The following A1CF variants were observed in gnomAD, a reference collection of about 807,000 sequenced individuals.
A1CF encodes APOBEC1 complementation factor.
A neutral mutation model predicts 68.9 loss-of-function variants in A1CF; 48 were observed. The ratio of observed to expected loss-of-function variants is 0.70; its 90% CI spans 0.55 to 0.89. The LOEUF is 0.89. A1CF is among the 40% of genes least tolerant of loss of function. A1CF has a pLI of 0.00. For missense variants in A1CF, 653 were observed against 718.9 expected (o/e 0.91, Z 1.05); for synonymous variants, 272 against 260.4 (o/e 1.04, Z -0.43).
At chr10:50,848,946 C>T (rs1840117411) in intron 3 of A1CF, among the ~76,000 whole-genome samples, 1 of 152,176 alleles carries the variant, frequency 6.6e-6, no homozygotes, top group Non-Finnish European at 1.5e-5. Flanking sequence ...TGGAGGACAT[C>T]ACTCTTGACT....
At chr10:50,880,460 G>A (rs1193022249) in intron 1 of A1CF, among the ~76,000 whole-genome samples, 1 of 152,192 alleles carries the variant, frequency 6.6e-6, no homozygotes, top group Admixed American at 6.5e-5. Flanking sequence ...TCATCGTAGG[G>A]TGCCAATTAT....
At chr10:50,845,053 T>G (rs555688777) in intron 3 of A1CF, among the ~76,000 whole-genome samples, 50 of 152,336 alleles carry the variant, frequency 3.3e-4, no homozygotes, top group Non-Finnish European at 3.8e-4. Flanking sequence ...TAATAATTCA[T>G]ACCACGTTTT....
chr10:50,865,495 A>G (rs867681862), intron 1 of A1CF, among the ~76,000 whole-genome samples: 2 of 152,178 alleles, frequency 1.3e-5, no homozygotes, highest in Admixed American at 6.5e-5. Context: ...ATAATTATCA[A>G]TCTCTAACTC....
At position 50,806,743 on chromosome 10, in the gene A1CF, A is replaced by T; in HGVS notation, c.1747T>A (p.Tyr583Asn). The change falls in exon 13 of 13, where the codon TAT becomes AAT. Residue 583 changes from tyrosine to asparagine, a missense_variant. Physicochemically the swap from Tyr to Asn is moderately radical, Grantham distance 143. Transcript: ENST00000373997. The stretch of plus-strand genomic sequence containing the variant: ...AAAAAGCATCTTCAGAAGGTGCCAT[A>T]TCCATCCCCTCGGGCAGTCACTGCA... The part of the protein sequence containing the change: ...TFAVTARGDG[Y>N]GTF 6.2e-7 allele frequency: 1 copy of T among 1,604,416 alleles called. No individual in the cohort carries two copies. Among genetic ancestry groups the T allele is most frequent in the South Asian group, 1.1e-5 (1 of 88,698 alleles).
At chr10:50,825,616 G>C (rs1268335776) in intron 7 of A1CF, among the ~76,000 whole-genome samples, 1 of 152,154 alleles carries the variant, frequency 6.6e-6, no homozygotes, top group Non-Finnish European at 1.5e-5. Context: ...TGGTAATTTG[G>C]ATATTGTTTC....
chr10:50,879,894 C>G (rs769245472), intron 1 of A1CF, among the ~76,000 whole-genome samples: 10 of 152,138 alleles, frequency 6.6e-5, no homozygotes, highest in Admixed American at 1.3e-4. Flanking sequence ...GAGTCTCTGG[C>G]TAGGTCAGTC....
chr10:50,861,510 A>G (rs2132534473), intron 2 of A1CF, among the ~76,000 whole-genome samples: 1 of 148,722 alleles, frequency 6.7e-6, no homozygotes, highest in Non-Finnish European at 1.5e-5. Context: ...TAGTAATAAG[A>G]TATACTATTA....
chr10:50,808,737 T>C (rs1296254276), intron 12 of A1CF, among the ~76,000 whole-genome samples: 1 of 152,124 alleles, frequency 6.6e-6, no homozygotes, highest in Non-Finnish European at 1.5e-5. Flanking sequence ...TCATTAATGT[T>C]AGCCCCACTG....
intron 1 of A1CF, among the ~76,000 whole-genome samples, chr10:50,885,330 A>T (rs892233920): frequency 7.9e-5 from 12 of 152,152 alleles, no homozygotes; most frequent in Admixed American, 7.2e-4. Flanking sequence ...TCCACTCTTG[A>T]ACCCTCCGTG....
chr10:50,867,542 A>T (rs1448246716), intron 1 of A1CF, among the ~76,000 whole-genome samples: 1 of 152,142 alleles, frequency 6.6e-6, no homozygotes, highest in Non-Finnish European at 1.5e-5. Flanking sequence ...AGGGTAATGA[A>T]GTGAAAAGGT....
chr10:50,820,123 C>CT (rs1348141668), intron 8 of A1CF, among the ~76,000 whole-genome samples: 1 of 152,130 alleles, frequency 6.6e-6, no homozygotes, highest in African/African-American at 2.4e-5. Flanking sequence ...GTGAGAGACT[C>CT]TAAGCTTTCC....
At chr10:50,808,154 AT>A (rs774066320) in intron 12 of A1CF, among the ~76,000 whole-genome samples, 6 of 152,084 alleles carry the variant, frequency 3.9e-5, no homozygotes, top group Non-Finnish European at 5.9e-5. Context: ...GGGATTTTGA[AT>A]TTTCTTTTTC....
chr10:50,883,518 T>C (rs1564541342), intron 1 of A1CF, among the ~76,000 whole-genome samples: 1 of 152,210 alleles, frequency 6.6e-6, no homozygotes, highest in Non-Finnish European at 1.5e-5. Flanking sequence ...GGTGGAAGAC[T>C]AGACTCTAAA....
intron 1 of A1CF, among the ~76,000 whole-genome samples, chr10:50,873,252 A>G (rs889304686): frequency 4.6e-5 from 7 of 152,054 alleles, no homozygotes; most frequent in Non-Finnish European, 8.8e-5. Context: ...CACCTCGCCC[A>G]GCCATTTAAA....
chr10:50,814,208 C>T lies in A1CF; in HGVS notation c.1142-170G>A, dbSNP rs553196241. On this transcript the variant is annotated intron_variant, in intron 9 of 12. Coordinates refer to ENST00000373997, the MANE Select transcript of A1CF (RefSeq NM_014576.4). ...TCTAGGATTCTAATGTAATGAAACT[C>T]AACATAAGGTAAGGTTTAACATAGG... is the stretch of plus-strand genomic sequence containing the variant. The T allele has an allele frequency of 5.9e-6, 4 of 674,414 alleles. No individual in the cohort carries two copies. In the African/African-American group the frequency reaches 7.2e-5, roughly 12 times the overall value. The allele number at this position is 674,414 out of a possible 1,614,324, so 41.8% of individuals were successfully genotyped here. A position where few individuals can be genotyped will look rare whatever the true frequency, so the allele number is the denominator to read the frequency against.
chr10:50,879,322 G>A (rs1263831144), intron 1 of A1CF, among the ~76,000 whole-genome samples: 1 of 152,156 alleles, frequency 6.6e-6, no homozygotes, highest in Admixed American at 6.5e-5. Context: ...GTCCTCTTCA[G>A]ACACTAACAG....
At chr10:50,823,845 C>G (rs1476130008) in intron 7 of A1CF, 1 of 152,006 alleles carries the variant, frequency 6.6e-6, no homozygotes, top group Admixed American at 6.6e-5. Flanking sequence ...TAAACTGATA[C>G]GTGGTCAAAT....
intron 3 of A1CF, among the ~76,000 whole-genome samples, chr10:50,857,414 G>T (rs770850918): frequency 6.6e-5 from 10 of 152,138 alleles, no homozygotes; most frequent in Non-Finnish European, 1.2e-4. Flanking sequence ...CACCAAGCAG[G>T]ATGAGAAGGT....
intron 9 of A1CF, among the ~76,000 whole-genome samples, chr10:50,814,406 A>G (rs1838270693): frequency 6.6e-6 from 1 of 152,218 alleles, no homozygotes; most frequent in Admixed American, 6.5e-5. Flanking sequence ...GAATGTATTT[A>G]TTAGAACATT....
Sources: allele counts gnomAD v4.1 joint callset (sites outside exome capture counted in the v4.1 genomes callset), GRCh38; gene constraint gnomAD v4.1.1; transcripts MANE v1.5; gene names NCBI Gene and HGNC (gene_info 2026-07-23, HGNC 2026-07-21).